The following LRCOL1 variants were observed in gnomAD, a reference collection of about 807,000 sequenced individuals.
LRCOL1 encodes the protein leucine rich colipase like 1, also known as leucine-rich colipase-like protein 1.
A neutral mutation model predicts 21.6 loss-of-function variants in LRCOL1; 21 were observed. The ratio of observed to expected loss-of-function variants is 0.97; its 90% CI spans 0.69 to 1.40. The LOEUF (loss-of-function observed/expected upper bound fraction) is 1.40, where lower values mean the gene tolerates loss of function less well. Among genes scored for constraint, LRCOL1 ranks in the 40% most tolerant of loss-of-function variants. The pLI is 0.00. For synonymous variants in LRCOL1, 98 were observed against 90.1 expected, an observed-to-expected ratio of 1.09 and a Z score of -0.49; for missense variants, 198 against 202.3, an observed-to-expected ratio of 0.98 and a Z score of 0.13.
chr12:132,603,706 G>A (rs1036909679), intron 5 of LRCOL1: 4 of 985,424 alleles, frequency 4.1e-6, no homozygotes, highest in Non-Finnish European at 4.8e-6. Context: ...CACCCCAGAC[G>A]GGAGCTCTGG....
At chr12:132,603,932 G>C in intron 5 of LRCOL1, 1 of 1,229,240 alleles carries the variant, frequency 8.1e-7, no homozygotes, top group Non-Finnish European at 1.0e-6. Flanking sequence ...TTCCCTCTCC[G>C]GCCTGAAGAC....
intron 5 of LRCOL1, chr12:132,603,797 G>C (rs1283736642): frequency 1.0e-6 from 1 of 985,324 alleles, no homozygotes; most frequent in Non-Finnish European, 1.2e-6. Context: ...CCAGGGCTCA[G>C]CAGAGCGGGA....
Position 132,604,916 on chromosome 12 carries a change from G to C in LRCOL1, c.106-85C>G, listed in dbSNP as rs2041284688. ...CTCAGGAAAGGCCTGCCCTCTCCTT[G>C]GCTCCCCTGTGTCACCATCCTTCAA... is the stretch of plus-strand genomic sequence containing the variant. On this transcript the variant is annotated intron_variant, in intron 2 of 5. Transcript: ENST00000376608. 6.0e-6 allele frequency: 9 copies of C among 1,489,638 alleles called. No homozygotes were observed. The East Asian group carries it at 2.2e-4, about 37-fold the overall frequency. 92.3% of individuals were successfully genotyped at this position (1,489,638 alleles called of 1,614,324 possible). A position where few individuals can be genotyped will look rare whatever the true frequency, so the allele number is the denominator to read the frequency against.
chr12:132,607,791 CTCTCTG>C (rs1405280353), intron 1 of LRCOL1, among the ~76,000 whole-genome samples: 191 of 150,736 alleles, frequency 1.3e-3, no homozygotes, highest in Non-Finnish European at 2.4e-3. Flanking sequence ...GCCTCTCCCT[CTCTCTG>C]TCTCTGTCTC....
At position 132,604,704 on chromosome 12, in the gene LRCOL1, A is replaced by G. The variant is rs2041280374; in HGVS notation, c.231+2T>C. On this transcript the variant is annotated splice_donor_variant, in intron 3 of 5. Coordinates refer to ENST00000376608, the MANE Select transcript of LRCOL1 (RefSeq NM_001195520.2). LOFTEE classifies it high-confidence loss of function. ...CCACCCCCGCCCCTGCACGCACCTC[A>G]CCTTCCTCCAGGGCAGGCACTGCAG... is the stretch of plus-strand genomic sequence containing the variant. The G allele has an allele frequency of 2.0e-6, 3 of 1,535,494 alleles. No individual in the cohort carries two copies. The highest frequency in any genetic ancestry group is 2.6e-6 in the Non-Finnish European group (3 of 1,146,618).
rs144894492 is a variant in LRCOL1 at position 132,604,648 on chromosome 12, G to A, written c.231+58C>T. The stretch of plus-strand genomic sequence containing the variant: ...CCACTCCCTGGCTCTTCAGGGGCAG[G>A]TAGGAGGGGGCCACAGGCAGTCTCG... On this transcript the variant is annotated intron_variant, in intron 3 of 5. Coordinates refer to ENST00000376608, the MANE Select transcript of LRCOL1 (RefSeq NM_001195520.2). 27 of 1,527,192 alleles carry A rather than the reference G, an allele frequency of 1.8e-5. No individual in the cohort carries two copies. In the East Asian group the frequency reaches 6.6e-4, roughly 37 times the overall value. 94.6% of individuals were successfully genotyped at this position (1,527,192 alleles called of 1,614,324 possible).
At chr12:132,605,103 G>A (rs2041287975) in intron 2 of LRCOL1, 1 of 1,266,008 alleles carries the variant, frequency 7.9e-7, no homozygotes. Flanking sequence ...CAGAGCATGG[G>A]TGAAGCTCTC....
intron 5 of LRCOL1, chr12:132,603,821 A>T (rs540896402): frequency 3.0e-6 from 3 of 985,412 alleles, no homozygotes; most frequent in Admixed American, 1.2e-4. Context: ...TGCACCGAGC[A>T]CGGCTTGTCC....
rs2041303842 is a variant in LRCOL1 at position 132,606,025 on chromosome 12, A to T, written c.105+122T>A. 9.2e-6 allele frequency: 8 copies of T among 866,070 alleles called. No homozygotes were observed. Among genetic ancestry groups the T allele is most frequent in the Non-Finnish European group, 1.4e-5 (8 of 566,514 alleles). The allele number at this position is 866,070 out of a possible 1,614,324, so 53.6% of individuals were successfully genotyped here. ...GGAAGGCGCTTTGTGTCCCTTTGAG[A>T]CCCTCCTGACGGAAAGTGGCAGCCC... is the stretch of plus-strand genomic sequence containing the variant. On this transcript the variant is annotated intron_variant, in intron 2 of 5. Transcript: ENST00000376608. This position sits in a 1 kb window ranked among gnomAD's most constrained non-coding sequence, Gnocchi z 4.6.
chr12:132,609,030 G>A (rs984768491), intron 1 of LRCOL1, among the ~76,000 whole-genome samples: 1 of 152,170 alleles, frequency 6.6e-6, no homozygotes, highest in South Asian at 2.1e-4. Context: ...TTTTCACGAC[G>A]GCCAGAGGGT....
chr12:132,608,692 G>A lies in LRCOL1; in HGVS notation c.-14+1631C>T, dbSNP rs12581924. On this transcript the variant is annotated intron_variant, in intron 1 of 5. Transcript: ENST00000376608. ...GGTGATCCTCCCAGCTCAGCCTCCC[G>A]AGTAGCTGGAATGAGAGGTGTGAGC... Among the ~76,000 whole-genome samples, 454 of 152,272 alleles carry A rather than the reference G, an allele frequency of 3.0e-3. 5 individuals are homozygous for A. Among genetic ancestry groups the A allele is most frequent in the East Asian group, 0.019 (100 of 5,184 alleles).
Position 132,604,381 on chromosome 12 carries a change from G to T in LRCOL1, c.355-5C>A, listed in dbSNP as rs1216565926. On this transcript the variant is annotated splice_polypyrimidine_tract_variant and splice_region_variant and intron_variant, in intron 4 of 5. Coordinates refer to ENST00000376608, the MANE Select transcript of LRCOL1 (RefSeq NM_001195520.2). Reference sequence around the variant, plus strand: ...GCTGCAGAAGTCGCCGTTGGGCTGGGGAGGCAGCCAGGCAGCAGTCGTGGA... The same window carrying T: ...GCTGCAGAAGTCGCCGTTGGGCTGGTGAGGCAGCCAGGCAGCAGTCGTGGA... 6.5e-7 allele frequency: 1 copy of T among 1,535,338 alleles called. No individual in the cohort carries two copies. Among genetic ancestry groups the T allele is most frequent in the Non-Finnish European group, 8.7e-7 (1 of 1,146,444 alleles).
At chr12:132,605,092 G>A (rs2041287716) in intron 2 of LRCOL1, 18 of 1,294,866 alleles carry the variant, frequency 1.4e-5, no homozygotes, top group Non-Finnish European at 1.7e-5. Context: ...GGATGCAGCA[G>A]CAGAGCATGG....
In LRCOL1 at chr12:132,603,302, G is replaced by A. The variant is rs776124831; in HGVS notation, c.*100C>T. The A allele has an allele frequency of 2.7e-6, 4 of 1,500,848 alleles. No individual in the cohort carries two copies. Among genetic ancestry groups the A allele is most frequent in the Admixed American group, 2.0e-5 (1 of 50,400 alleles). The allele number at this position is 1,500,848 out of a possible 1,614,324, so 93.0% of individuals were successfully genotyped here. A position where few individuals can be genotyped will look rare whatever the true frequency, so the allele number is the denominator to read the frequency against. ...AGCCCCAGAAACAGCAGCACAAACC[G>A]TAAGGGAAGCTTCCGCTGGAACCAG... is the stretch of plus-strand genomic sequence containing the variant. On this transcript the variant is annotated 3_prime_UTR_variant, in exon 6 of 6. Transcript: ENST00000376608.
In LRCOL1 at chr12:132,604,259, G is replaced by T; in HGVS notation, c.472C>A (p.Pro158Thr). 6.5e-7 allele frequency: 1 copy of T among 1,533,926 alleles called. No individual in the cohort carries two copies. Among genetic ancestry groups the T allele is most frequent in the Non-Finnish European group, 8.7e-7 (1 of 1,145,952 alleles). Residue 158 changes from proline (P) to threonine (T), a missense_variant, in exon 5 of 6, where the codon CCC (proline) becomes ACC (threonine). By Grantham distance (38) the Pro-to-Thr change is conservative. Transcript: ENST00000376608. ...PRTGILAQCLPL is the reference protein window; with the variant it reads ...PRTGILAQCLTL ...AGCCCCCGCCCGGGACTTACCAGGGGCAGGCACTGGGCCAGGATCCCGGTC... is the reference window on the plus strand; with the variant it reads ...AGCCCCCGCCCGGGACTTACCAGGGTCAGGCACTGGGCCAGGATCCCGGTC...
Position 132,603,361 on chromosome 12 carries a change from A to C in LRCOL1, c.*41T>G. 2 of 1,536,074 alleles carry C rather than the reference A, an allele frequency of 1.3e-6. No individual in the cohort carries two copies. Among genetic ancestry groups the C allele is most frequent in the Non-Finnish European group, 8.7e-7 (1 of 1,146,822 alleles). The stretch of plus-strand genomic sequence containing the variant: ...CAACGCGGTCCTGCGTGAACATCCC[A>C]GGGCCCAGGCCGGTCCCTCGCGCCC... On this transcript the variant is annotated 3_prime_UTR_variant, in exon 6 of 6. Transcript: ENST00000376608.
At position 132,606,537 on chromosome 12, in the gene LRCOL1, A is replaced by AT. The variant is rs1348500894; in HGVS notation, c.-13-274dup. Among the ~76,000 whole-genome samples, 5 of 152,216 alleles carry AT rather than the reference A, an allele frequency of 3.3e-5. No individual in the cohort carries two copies. Among genetic ancestry groups the AT allele is most frequent in the African/African-American group, 1.2e-4 (5 of 41,450 alleles). ...CACTCGTGTGACACATCTGTCCACC[A>AT]TTGATAGACCCACAGGGACGTGCCA... is the stretch of plus-strand genomic sequence containing the variant. On this transcript the variant is annotated intron_variant, in intron 1 of 5. Transcript: ENST00000376608. This position sits in a 1 kb window ranked among gnomAD's most constrained non-coding sequence, Gnocchi z 4.6.
intron 5 of LRCOL1, chr12:132,603,832 C>T: frequency 1.0e-6 from 1 of 985,440 alleles, no homozygotes; most frequent in Non-Finnish European, 1.2e-6. Flanking sequence ...CGGCTTGTCC[C>T]ATGGATTTCC....
At chr12:132,608,031 G>C (rs1306781704) in intron 1 of LRCOL1, among the ~76,000 whole-genome samples, 1 of 144,486 alleles carries the variant, frequency 6.9e-6, no homozygotes, top group African/African-American at 2.6e-5. Flanking sequence ...GTCTCTCTCT[G>C]TCTCTGTCTC....
Sources: allele counts gnomAD v4.1 joint callset (sites outside exome capture counted in the v4.1 genomes callset), GRCh38; gene constraint gnomAD v4.1.1; non-coding constraint Gnocchi (gnomAD v3.1); transcripts MANE v1.5; gene names NCBI Gene and HGNC (gene_info 2026-07-23, HGNC 2026-07-21).